The following CTIF variants were observed in gnomAD, a reference collection of about 807,000 sequenced individuals.
CTIF encodes cap binding complex dependent translation initiation factor.
Under a neutral mutation model 66.0 loss-of-function variants are expected in CTIF, and 21 were observed. The observed-to-expected ratio is 0.32, with a 90% CI of 0.23 to 0.46. The LOEUF is 0.46. Among genes scored for constraint, CTIF ranks in the 20% least tolerant of loss-of-function variants. The pLI is 1.00. For missense variants in CTIF, 739 were observed against 812.7 expected, an observed-to-expected ratio of 0.91 and a Z score of 1.10; for synonymous variants, 345 against 326.4, an observed-to-expected ratio of 1.06 and a Z score of -0.62.
intron 7 of CTIF, 69 bp from the exon 8 acceptor site, chr18:48,757,850 G>A (rs554075528): frequency 2.2e-5 from 34 of 1,535,884 alleles, no homozygotes; most frequent in Non-Finnish European, 2.4e-5. Context: ...TGTTCTGGCG[G>A]CTGGGCACAG....
At chr18:48,790,522 G>GC (rs1393970533) in intron 9 of CTIF, among the ~76,000 whole-genome samples, 28 of 152,340 alleles carry the variant, frequency 1.8e-4, no homozygotes, top group African/African-American at 6.0e-4. Context: ...CAGCTCAGCA[G>GC]CCCCCTCCCC....
At chr18:48,776,360 AG>A (rs1318243857) in intron 9 of CTIF, among the ~76,000 whole-genome samples, 37 of 129,984 alleles carry the variant, frequency 2.8e-4, no homozygotes, top group African/African-American at 1.1e-3. Context: ...GCTGTGGGGG[AG>A]GGGGAGCATG....
chr18:48,693,029 A>G (rs2091954183), intron 6 of CTIF, among the ~76,000 whole-genome samples: 1 of 152,260 alleles, frequency 6.6e-6, no homozygotes, highest in South Asian at 2.1e-4. Flanking sequence ...GAGCATTGAT[A>G]GATGAACCAA....
chr18:48,693,507 A>C (rs2091962664), intron 6 of CTIF, among the ~76,000 whole-genome samples: 10 of 152,140 alleles, frequency 6.6e-5, no homozygotes, highest in Admixed American at 6.5e-4. Context: ...CAGGGCTGAG[A>C]GCCACCAACC....
intron 7 of CTIF, among the ~76,000 whole-genome samples, chr18:48,736,625 A>C (rs2145711493): frequency 6.6e-6 from 1 of 152,148 alleles, no homozygotes; most frequent in South Asian, 2.1e-4. Context: ...AGAAGGAAAA[A>C]CATATAGAAT....
At chr18:48,677,680 C>T (rs551374335) in intron 6 of CTIF, among the ~76,000 whole-genome samples, 1 of 152,294 alleles carries the variant, frequency 6.6e-6, no homozygotes, top group South Asian at 2.1e-4. Flanking sequence ...ACTCAAGAAT[C>T]GTCACTCGAT....
At chr18:48,589,763 G>A (rs549760610) in intron 1 of CTIF, among the ~76,000 whole-genome samples, 14 of 152,216 alleles carry the variant, frequency 9.2e-5, no homozygotes, top group African/African-American at 3.4e-4. Context: ...GCTTCTTTGT[G>A]TGGGGGGAGC....
chr18:48,630,826 C>T (rs1170144374), intron 2 of CTIF, among the ~76,000 whole-genome samples: 5 of 152,098 alleles, frequency 3.3e-5, no homozygotes. Flanking sequence ...CAGGTGCCTG[C>T]AACCACGCCT....
chr18:48,731,109 TG>T (rs1203850401), intron 7 of CTIF, among the ~76,000 whole-genome samples: 1 of 152,102 alleles, frequency 6.6e-6, no homozygotes, highest in Non-Finnish European at 1.5e-5. Flanking sequence ...GAGCAGTGTG[TG>T]GCCCCTTTGG....
At chr18:48,849,102 C>G (rs938902130) in intron 10 of CTIF, among the ~76,000 whole-genome samples, 1 of 152,014 alleles carries the variant, frequency 6.6e-6, no homozygotes, top group Non-Finnish European at 1.5e-5. Context: ...AGGCTGGTCT[C>G]CTTCATGGAT....
intron 3 of CTIF, among the ~76,000 whole-genome samples, chr18:48,660,881 C>A (rs755462097): frequency 1.3e-5 from 2 of 152,228 alleles, no homozygotes; most frequent in African/African-American, 4.8e-5. Flanking sequence ...TGGCCATGAC[C>A]TTCTCTACAT....
chr18:48,857,463 T>C, intron 10 of CTIF, 125 bp from the exon 11 acceptor site: 1 of 763,314 alleles, frequency 1.3e-6, no homozygotes, highest in East Asian at 2.8e-5. Flanking sequence ...GCCTGAACCT[T>C]GGAGATGTTT....
chr18:48,545,879 G>T (rs764767377), intron 1 of CTIF, among the ~76,000 whole-genome samples: 2 of 152,188 alleles, frequency 1.3e-5, no homozygotes, highest in African/African-American at 4.8e-5. Flanking sequence ...TTGTCATGCC[G>T]GCCGCTGTCG....
rs1041235617 is a variant in CTIF at position 48,664,443 on chromosome 18, C to G, written c.327-4C>G. The G allele has an allele frequency of 1.7e-5, 28 of 1,612,958 alleles. No individual in the cohort carries two copies. The highest frequency in any genetic ancestry group is 2.2e-5 in the Non-Finnish European group (26 of 1,179,536). ...TCCGTTTCTCACCCTCCCTCGCCCT[C>G]TAGTGGTGCCACCTGGGACCTGCAG... is the stretch of plus-strand genomic sequence containing the variant. On this transcript the variant is annotated splice_polypyrimidine_tract_variant and splice_region_variant and intron_variant, in intron 4 of 11. Coordinates refer to ENST00000256413, the MANE Select transcript of CTIF (RefSeq NM_014772.3).
intron 7 of CTIF, among the ~76,000 whole-genome samples, chr18:48,741,285 C>A (rs59649320): frequency 1.2e-4 from 18 of 144,564 alleles, no homozygotes; most frequent in African/African-American, 2.9e-4. Flanking sequence ...CCCCCGCCCC[C>A]CCTCCTTGGT....
intron 9 of CTIF, among the ~76,000 whole-genome samples, chr18:48,798,189 C>T (rs1308343908): frequency 1.3e-5 from 2 of 152,214 alleles, no homozygotes; most frequent in Admixed American, 6.5e-5. Context: ...TTGTTAACGT[C>T]ATCTGGTAAA....
intron 9 of CTIF, among the ~76,000 whole-genome samples, chr18:48,811,785 C>G (rs1484478255): frequency 6.6e-6 from 1 of 152,128 alleles, no homozygotes; most frequent in African/African-American, 2.4e-5. Flanking sequence ...ATGTATATAT[C>G]ACGTATTGTT....
chr18:48,578,147 C>T (rs750627723), intron 1 of CTIF, among the ~76,000 whole-genome samples: 3 of 151,960 alleles, frequency 2.0e-5, no homozygotes, highest in Non-Finnish European at 4.4e-5. Flanking sequence ...TGGCATATCT[C>T]AGCTCTTCAT....
Position 48,824,493 on chromosome 18 carries a change from C to T in CTIF, c.1527+7117C>T, listed in dbSNP as rs1306754765. On this transcript the variant is annotated intron_variant, in intron 10 of 11. Coordinates refer to ENST00000256413, the MANE Select transcript of CTIF (RefSeq NM_014772.3). ...ATGCTCTCCACCTCCTCCGCCTCTC[C>T]GTGCCTCTGTGATCCCGTGGTGTTG... Among the ~76,000 whole-genome samples the T allele has an allele frequency of 3.3e-5, 5 of 152,320 alleles. No individual in the cohort carries two copies. The South Asian group carries it at 6.2e-4, about 19-fold the overall frequency.
Sources: gnomAD v4.1 joint callset for allele counts (sites outside exome capture counted in the v4.1 genomes callset) on GRCh38, gnomAD v4.1.1 for gene constraint, MANE v1.5 for transcripts, NCBI Gene and HGNC (gene_info 2026-07-23, HGNC 2026-07-21) for gene names.